The following ZNF516 variants were observed in gnomAD, a reference collection of about 807,000 sequenced individuals.
ZNF516 encodes the protein zinc finger protein 516.
ZNF516 carries 19 observed loss-of-function variants against 79.7 expected under a neutral mutation model. That is an observed-to-expected ratio of 0.24 (90% CI 0.17 to 0.35). The LOEUF (loss-of-function observed/expected upper bound fraction) is 0.35, where lower values mean the gene tolerates loss of function less well. Ranked by LOEUF, ZNF516 falls within the 10% of genes least tolerant of loss-of-function variation. The pLI, the probability that ZNF516 is intolerant of heterozygous loss-of-function variation, is 1.00. For synonymous variants in ZNF516, 877 were observed against 739.5 expected, an observed-to-expected ratio of 1.19 and a Z score of -3.02; for missense variants, 1,678 against 1,679.5, an observed-to-expected ratio of 1.00 and a Z score of 0.02.
At chr18:76,473,782 C>A (rs1240575594) in intron 1 of ZNF516, among the ~76,000 whole-genome samples, 3 of 148,812 alleles carry the variant, frequency 2.0e-5, no homozygotes, top group Non-Finnish European at 4.4e-5. Context: ...GCCTGAGCAA[C>A]AGGGTGAGAC....
chr18:76,440,740 GTT>G lies in ZNF516; in HGVS notation c.1810+503_1810+504del, dbSNP rs373704644. Among the ~76,000 whole-genome samples, 373 of 51,856 alleles carry G rather than the reference GTT, an allele frequency of 7.2e-3. 1 individual carries two copies. The highest frequency in any genetic ancestry group is 0.056 in the East Asian group (106 of 1,884). 34.0% of individuals were successfully genotyped at this position (51,856 alleles called of 152,430 possible). A position where few individuals can be genotyped will look rare whatever the true frequency, so the allele number is the denominator to read the frequency against. On this transcript the variant is annotated intron_variant, in intron 3 of 6. Coordinates refer to ENST00000443185, the MANE Select transcript of ZNF516 (RefSeq NM_014643.4). ...AGTGGAGGAAAGTGTGTGTGTGTGT[GTT>G]TGTGTGTGTGTGTGTGTGTGCGCGC... is the stretch of plus-strand genomic sequence containing the variant.
intron 3 of ZNF516, chr18:76,385,760 A>AG (rs1185564227): frequency 6.6e-6 from 1 of 150,384 alleles, no homozygotes; most frequent in Admixed American, 6.6e-5. Flanking sequence ...CCCTGCATGT[A>AG]GGGTGCCACT....
In ZNF516 at chr18:76,493,111, T is replaced by G; in HGVS notation, c.-272+2033A>C. The G allele has an allele frequency of 1.0e-6, 1 of 980,422 alleles. No homozygotes were observed. The highest frequency in any genetic ancestry group is 4.8e-5 in the South Asian group (1 of 20,972). 60.7% of individuals were successfully genotyped at this position (980,422 alleles called of 1,614,324 possible). On this transcript the variant is annotated intron_variant, in intron 1 of 6. Coordinates refer to ENST00000443185, the MANE Select transcript of ZNF516 (RefSeq NM_014643.4). The surrounding 1 kb of genome is among the most constrained non-coding windows in gnomAD (Gnocchi z 5.2). ...AAGCTGTTTCCTTTTTTTTTTTTCCTCCTCTCCTCCCTACCGTTTCATTTA... is the reference window on the plus strand; with the variant it reads ...AAGCTGTTTCCTTTTTTTTTTTTCCGCCTCTCCTCCCTACCGTTTCATTTA...
chr18:76,408,697 C>T (rs1427610231), intron 3 of ZNF516, among the ~76,000 whole-genome samples: 2 of 152,208 alleles, frequency 1.3e-5, no homozygotes, highest in East Asian at 1.9e-4. Flanking sequence ...AACTGACCCA[C>T]GTGAATGTTT....
chr18:76,439,699 A>G (rs1467715391), intron 3 of ZNF516, among the ~76,000 whole-genome samples: 2 of 152,186 alleles, frequency 1.3e-5, no homozygotes, highest in Non-Finnish European at 2.9e-5. Flanking sequence ...ATCATAATCA[A>G]TGGGGTGAGT....
chr18:76,444,554 T>C (rs911438733), intron 2 of ZNF516, among the ~76,000 whole-genome samples: 2 of 152,186 alleles, frequency 1.3e-5, no homozygotes, highest in African/African-American at 4.8e-5. Flanking sequence ...ACAGCTTCCA[T>C]GAAAGATGAC....
chr18:76,371,048 T>A (rs2074695273), intron 5 of ZNF516, among the ~76,000 whole-genome samples: 2 of 152,176 alleles, frequency 1.3e-5, no homozygotes, highest in African/African-American at 2.4e-5. Context: ...TTGCAGTACA[T>A]CCTGCATGGT....
chr18:76,360,715 G>C lies in ZNF516; in HGVS notation c.*1783C>G, dbSNP rs1423832830. 4.0e-4 allele frequency: 52 copies of C among 129,786 alleles called. No individual in the cohort carries two copies. Among genetic ancestry groups the C allele is most frequent in the Admixed American group, 3.3e-4 (4 of 12,034 alleles). The allele number at this position is 129,786 out of a possible 1,614,324, so 8.0% of individuals were successfully genotyped here. On this transcript the variant is annotated 3_prime_UTR_variant, in exon 7 of 7. Coordinates refer to ENST00000443185, the MANE Select transcript of ZNF516 (RefSeq NM_014643.4). ...TTACATTGCATCGTTTGAAAGTGTTGCAAAGTAACCTGAACCGTCAAGTAA... is the reference window on the plus strand; with the variant it reads ...TTACATTGCATCGTTTGAAAGTGTTCCAAAGTAACCTGAACCGTCAAGTAA...
At position 76,379,261 on chromosome 18, in the gene ZNF516, C is replaced by G. The variant is rs2074845207; in HGVS notation, c.2853G>C (p.Glu951Asp). 2 of 1,612,500 alleles carry G rather than the reference C, an allele frequency of 1.2e-6. No individual in the cohort carries two copies. Among genetic ancestry groups the G allele is most frequent in the Non-Finnish European group, 1.7e-6 (2 of 1,179,596 alleles). ...CCCCCGCTGGGGGGACCCCAAACTT[C>G]TCCACAGGCTTGCTATTGGCCGAGG... ...AQPSANSKPV[E>D]KFGVPPAGAG... Residue 951 changes from glutamate (E) to aspartate (D), a missense_variant, in exon 4 of 7, where the codon GAG becomes GAC. Physicochemically the swap from Glu to Asp is conservative, Grantham distance 45. This residue lies in a region of ZNF516 where 1,294 missense variants were observed against 1,248.3 expected (regional missense o/e 1.04). Coordinates refer to ENST00000443185, the MANE Select transcript of ZNF516 (RefSeq NM_014643.4).
chr18:76,476,204 T>C (rs1001245499), intron 1 of ZNF516, among the ~76,000 whole-genome samples: 1 of 152,204 alleles, frequency 6.6e-6, no homozygotes, highest in African/African-American at 2.4e-5. Context: ...AACCAAGTAA[T>C]GAGTTATCTG....
At chr18:76,373,728 C>T (rs931102648) in intron 4 of ZNF516, among the ~76,000 whole-genome samples, 2 of 152,266 alleles carry the variant, frequency 1.3e-5, no homozygotes, top group Admixed American at 1.3e-4. Context: ...CACACACACA[C>T]ACGCAGGCGT....
intron 3 of ZNF516, among the ~76,000 whole-genome samples, chr18:76,385,094 G>A (rs185689187): frequency 5.6e-4 from 85 of 152,334 alleles, no homozygotes; most frequent in African/African-American, 1.7e-3. Flanking sequence ...TAGAGAAGGC[G>A]CACGTCGCTC....
At chr18:76,426,056 A>G (rs1012869167) in intron 3 of ZNF516, among the ~76,000 whole-genome samples, 1 of 152,274 alleles carries the variant, frequency 6.6e-6, no homozygotes, top group Non-Finnish European at 1.5e-5. Context: ...TTAGAGAGCT[A>G]TGTTAGAAAA....
intron 3 of ZNF516, among the ~76,000 whole-genome samples, chr18:76,426,292 ACATCTCCC>A (rs1340694062): frequency 6.6e-6 from 1 of 152,206 alleles, no homozygotes. Flanking sequence ...GAGGTAGCCA[ACATCTCCC>A]ATCTAGTAAT....
chr18:76,444,515 C>T (rs899062524), intron 2 of ZNF516, among the ~76,000 whole-genome samples: 17 of 152,298 alleles, frequency 1.1e-4, no homozygotes, highest in African/African-American at 3.8e-4. Flanking sequence ...TCCATATTTC[C>T]GGCTGGGAAG....
At chr18:76,418,448 C>T (rs2045068680) in intron 3 of ZNF516, among the ~76,000 whole-genome samples, 1 of 151,690 alleles carries the variant, frequency 6.6e-6, no homozygotes, top group Admixed American at 6.6e-5. Flanking sequence ...CTAACACATG[C>T]TGTAACATGC....
rs1421170478 is a variant in ZNF516 at position 76,493,079 on chromosome 18, C to T, written c.-272+2065G>A. ...CACTCACGCCCAGGGGGCAGGGAGA[C>T]TTCGCAAAGCTGTTTCCTTTTTTTT... On this transcript the variant is annotated intron_variant, in intron 1 of 6. Coordinates refer to ENST00000443185, the MANE Select transcript of ZNF516 (RefSeq NM_014643.4). This position sits in a 1 kb window ranked among gnomAD's most constrained non-coding sequence, Gnocchi z 5.2. 1.0e-6 allele frequency: 1 copy of T among 984,864 alleles called. No homozygotes were observed. Among genetic ancestry groups the T allele is most frequent in the Non-Finnish European group, 1.2e-6 (1 of 829,838 alleles). 61.0% of individuals were successfully genotyped at this position (984,864 alleles called of 1,614,324 possible).
intron 3 of ZNF516, among the ~76,000 whole-genome samples, chr18:76,391,447 T>C (rs1220934800): frequency 2.0e-5 from 3 of 151,978 alleles, no homozygotes; most frequent in Non-Finnish European, 4.4e-5. Context: ...TTAACCCTAA[T>C]CCAACTCTAA....
chr18:76,402,242 C>T (rs1226630847), intron 3 of ZNF516, among the ~76,000 whole-genome samples: 2 of 152,192 alleles, frequency 1.3e-5, no homozygotes, highest in Admixed American at 1.3e-4. Flanking sequence ...CAGCAGTGAA[C>T]GAGGCACACA....
Sources: gnomAD v4.1 joint callset for allele counts (sites outside exome capture counted in the v4.1 genomes callset) on GRCh38, gnomAD v4.1.1 for gene constraint, gnomAD v4.1.1 regional missense constraint, Gnocchi (gnomAD v3.1) non-coding constraint, MANE v1.5 for transcripts, NCBI Gene and HGNC (gene_info 2026-07-23, HGNC 2026-07-21) for gene names.